DDHD1: variants seen among roughly 807,000 people sequenced by gnomAD.
DDHD1 encodes the protein phospholipase DDHD1.
In DDHD1, 49 loss-of-function variants were observed where a neutral mutation model predicts 96.4. The ratio of observed to expected loss-of-function variants is 0.51; its 90% confidence interval spans 0.40 to 0.64. The LOEUF (loss-of-function observed/expected upper bound fraction) is 0.64, where lower values mean the gene tolerates loss of function less well. Among genes scored for constraint, DDHD1 ranks in the 30% least tolerant of loss-of-function variants. The pLI, the probability that DDHD1 is intolerant of heterozygous loss-of-function variation, is 0.00. For synonymous variants in DDHD1, 442 were observed against 446.5 expected, an observed-to-expected ratio of 0.99 and a Z score of 0.13; for missense variants, 1,106 against 1,161.2, an observed-to-expected ratio of 0.95 and a Z score of 0.69.
chr14:53,071,859 A>C (rs1432321182), intron 6 of DDHD1, among the ~76,000 whole-genome samples: 2 of 152,196 alleles, frequency 1.3e-5, no homozygotes, highest in East Asian at 3.9e-4. Flanking sequence ...CACAGAAGAG[A>C]GAAGCAGTAA....
intron 3 of DDHD1, chr14:53,092,547 C>G (rs1886516797): frequency 6.6e-6 from 1 of 152,284 alleles, no homozygotes; most frequent in South Asian, 2.1e-4. Flanking sequence ...TCAAACTTCT[C>G]TAAACAGTTG....
chr14:53,092,101 A>C, intron 3 of DDHD1, 169 bp from the exon 4 acceptor site: 1 of 511,678 alleles, frequency 2.0e-6, no homozygotes, highest in Admixed American at 3.3e-5. Context: ...GCTGTGATAT[A>C]AAGTGAACTG....
intron 4 of DDHD1, among the ~76,000 whole-genome samples, chr14:53,085,362 C>A (rs150502739): frequency 0.015 from 2,267 of 152,310 alleles, 17 homozygotes; most frequent in Non-Finnish European, 0.024. Flanking sequence ...CTGGGAGACA[C>A]CTCCCAGTAG....
At chr14:53,088,996 C>A (rs1406323511) in intron 4 of DDHD1, among the ~76,000 whole-genome samples, 1 of 152,124 alleles carries the variant, frequency 6.6e-6, no homozygotes, top group Non-Finnish European at 1.5e-5. Flanking sequence ...AATCGATGTG[C>A]AAAAATCACA....
intron 6 of DDHD1, 22 bp from the exon 7 acceptor site, chr14:53,063,227 T>G: frequency 6.2e-7 from 1 of 1,606,880 alleles, no homozygotes; most frequent in South Asian, 1.1e-5. Context: ...AAGAAAACAT[T>G]ATCATATTAG....
chr14:53,074,334 G>C (rs547194304), intron 4 of DDHD1, among the ~76,000 whole-genome samples: 1 of 151,652 alleles, frequency 6.6e-6, no homozygotes, highest in South Asian at 2.1e-4. Context: ...TTTGTGATTA[G>C]TATTACAATT....
intron 1 of DDHD1, among the ~76,000 whole-genome samples, chr14:53,149,326 A>C (rs1468118015): frequency 3.3e-5 from 5 of 152,354 alleles, no homozygotes; most frequent in African/African-American, 1.2e-4. Context: ...TCTACATAGG[A>C]ACTTACTGGA....
At chr14:53,132,158 C>G (rs1054477206) in intron 1 of DDHD1, among the ~76,000 whole-genome samples, 1 of 152,282 alleles carries the variant, frequency 6.6e-6, no homozygotes, top group African/African-American at 2.4e-5. Flanking sequence ...TCCCCACTAG[C>G]TCTCCCTAAC....
At chr14:53,120,644 C>T (rs575703039) in intron 1 of DDHD1, among the ~76,000 whole-genome samples, 1 of 152,130 alleles carries the variant, frequency 6.6e-6, no homozygotes, top group Non-Finnish European at 1.5e-5. Context: ...AATAGCAGCA[C>T]ACATCTACAA....
At chr14:53,095,166 G>A (rs1423861767) in intron 2 of DDHD1, among the ~76,000 whole-genome samples, 2 of 152,078 alleles carry the variant, frequency 1.3e-5, no homozygotes, top group East Asian at 3.8e-4. Flanking sequence ...CTGGTATATA[G>A]GTAGGAAAAA....
chr14:53,135,434 C>T (rs1890163681), intron 1 of DDHD1, among the ~76,000 whole-genome samples: 1 of 152,228 alleles, frequency 6.6e-6, no homozygotes, highest in Non-Finnish European at 1.5e-5. Flanking sequence ...ATGATAATCC[C>T]ACCACCCGTT....
chr14:53,054,654 C>T, intron 10 of DDHD1, 25 bp from the exon 11 acceptor site: 1 of 1,606,552 alleles, frequency 6.2e-7, no homozygotes, highest in Non-Finnish European at 8.5e-7. Context: ...GCAGGGTAGT[C>T]ATTCTGTTGA....
intron 4 of DDHD1, among the ~76,000 whole-genome samples, chr14:53,084,132 C>T (rs1242040555): frequency 3.3e-5 from 5 of 152,154 alleles, no homozygotes; most frequent in African/African-American, 7.2e-5. Flanking sequence ...AATGCACAGA[C>T]TAGCTGGGAC....
chr14:53,051,946 A>C lies in DDHD1; in HGVS notation c.2438-19T>G, dbSNP rs1882619920. ...CTGAAATCTGTGAAAAAAAAACACAAGATGCTGTAAAGGGTTGGCTGATGA... is the reference window on the plus strand; with the variant it reads ...CTGAAATCTGTGAAAAAAAAACACACGATGCTGTAAAGGGTTGGCTGATGA... On this transcript the variant is annotated intron_variant, in intron 11 of 12. Coordinates refer to ENST00000673822, the MANE Select transcript of DDHD1 (RefSeq NM_001160148.2). 3 of 1,554,250 alleles carry C rather than the reference A, an allele frequency of 1.9e-6. No individual in the cohort carries two copies. Among genetic ancestry groups the C allele is most frequent in the African/African-American group, 2.7e-5 (2 of 73,608 alleles).
chr14:53,144,060 A>G (rs778645998), intron 1 of DDHD1, among the ~76,000 whole-genome samples: 4 of 152,256 alleles, frequency 2.6e-5, no homozygotes, highest in Admixed American at 1.3e-4. Flanking sequence ...GATTAGGGGC[A>G]TTCACTATAC....
rs1029710298 is a variant in DDHD1, at chr14:53,036,866, A to C, written c.*9902T>G. ...TGTGTGATGCTGAGGTTTGAGGTACAGATCCCATCACCCAGGTAGTGAGCA... is the reference window on the plus strand; with the variant it reads ...TGTGTGATGCTGAGGTTTGAGGTACCGATCCCATCACCCAGGTAGTGAGCA... On this transcript the variant is annotated 3_prime_UTR_variant, in exon 13 of 13. Coordinates refer to ENST00000673822, the MANE Select transcript of DDHD1 (RefSeq NM_001160148.2). 1 of 152,184 alleles carries C rather than the reference A, an allele frequency of 6.6e-6. No individual in the cohort carries two copies. Among genetic ancestry groups the C allele is most frequent in the Non-Finnish European group, 1.5e-5 (1 of 68,034 alleles). The allele number at this position is 152,184 out of a possible 1,614,324, so 9.4% of individuals were successfully genotyped here. A position where few individuals can be genotyped will look rare whatever the true frequency, so the allele number is the denominator to read the frequency against.
At chr14:53,131,862 T>C (rs1889888734) in intron 1 of DDHD1, among the ~76,000 whole-genome samples, 1 of 152,030 alleles carries the variant, frequency 6.6e-6, no homozygotes, top group Admixed American at 6.6e-5. Context: ...AAAGCTCAAA[T>C]TTCTTCCCCA....
At chr14:53,150,625 C>G (rs947892324) in intron 1 of DDHD1, among the ~76,000 whole-genome samples, 1 of 152,134 alleles carries the variant, frequency 6.6e-6, no homozygotes, top group Non-Finnish European at 1.5e-5. Flanking sequence ...TTTCCGTCCC[C>G]TCTCCAAGGA....
intron 2 of DDHD1, among the ~76,000 whole-genome samples, chr14:53,094,997 T>C (rs1181952339): frequency 6.6e-6 from 1 of 152,108 alleles, no homozygotes; most frequent in Non-Finnish European, 1.5e-5. Context: ...TTCTTATATA[T>C]CCCTAGCACC....
Sources: gnomAD v4.1 joint callset for allele counts (sites outside exome capture counted in the v4.1 genomes callset) on GRCh38, gnomAD v4.1.1 for gene constraint, MANE v1.5 for transcripts, NCBI Gene and HGNC (gene_info 2026-07-23, HGNC 2026-07-21) for gene names.